The following KIAA1549L variants were observed in gnomAD, a reference collection of about 807,000 sequenced individuals.
The protein encoded by KIAA1549L is UPF0606 protein KIAA1549L.
KIAA1549L carries 88 observed loss-of-function variants against 160.7 expected under a neutral mutation model. The observed-to-expected ratio is 0.55, with a 90% CI of 0.46 to 0.65. The LOEUF is 0.65. Ranked by LOEUF, KIAA1549L falls within the 30% of genes least tolerant of loss-of-function variation. The pLI is 0.00. For synonymous variants in KIAA1549L, 950 were observed against 976.7 expected, an observed-to-expected ratio of 0.97 and a Z score of 0.51; for missense variants, 2,258 against 2,437.5, an observed-to-expected ratio of 0.93 and a Z score of 1.55.
chr11:33,467,004 G>GA (rs967433711), intron 1 of KIAA1549L, among the ~76,000 whole-genome samples: 12 of 152,178 alleles, frequency 7.9e-5, no homozygotes, highest in African/African-American at 2.7e-4. Flanking sequence ...AGTGTTAGGA[G>GA]AAATACCTAA....
chr11:33,646,992 A>G (rs1851740860), intron 17 of KIAA1549L, among the ~76,000 whole-genome samples: 1 of 152,218 alleles, frequency 6.6e-6, no homozygotes. Flanking sequence ...TTCTTTACAA[A>G]TAAGAAAAAT....
intron 1 of KIAA1549L, among the ~76,000 whole-genome samples, chr11:33,464,863 G>T (rs1852019133): frequency 6.6e-6 from 1 of 151,820 alleles, no homozygotes; most frequent in African/African-American, 2.4e-5. Context: ...TTTCCATTCA[G>T]ATTTTTTTTA....
chr11:33,586,712 C>T (rs2133276787), intron 11 of KIAA1549L, among the ~76,000 whole-genome samples: 1 of 152,110 alleles, frequency 6.6e-6, no homozygotes, highest in Non-Finnish European at 1.5e-5. Flanking sequence ...TTCCTCTTTC[C>T]CACTACTATC....
rs1183339062 is a variant in KIAA1549L, at chr11:33,591,397, C to T, written c.4727C>T (p.Ala1576Val). Residue 1576 changes from alanine (A) to valine (V), a missense_variant, in exon 12 of 21, where the codon GCC becomes GTC. By Grantham distance (64) the Ala-to-Val change is moderately conservative. Transcript: ENST00000658780. ...CAGGATGGAAGCACCATCAAGACCG[C>T]CAAATCCACTGAAACCAGGAAGAGG... The part of the protein sequence containing the change: ...VAQDGSTIKT[A>V]KSTETRKSRS... 4 of 1,606,330 alleles carry T rather than the reference C, an allele frequency of 2.5e-6. No individual in the cohort carries two copies. In the Admixed American group the frequency reaches 6.7e-5, roughly 27 times the overall value.
chr11:33,608,001 G>A (rs1436590316), intron 14 of KIAA1549L, among the ~76,000 whole-genome samples: 1 of 152,206 alleles, frequency 6.6e-6, no homozygotes, highest in Non-Finnish European at 1.5e-5. Context: ...GCAGGTTATG[G>A]TGACAGCCAT....
chr11:33,543,367 T>G lies in KIAA1549L; in HGVS notation c.1804T>G (p.Phe602Val). The stretch of plus-strand genomic sequence containing the variant: ...CACTGTAAATGGATTTGTCTCTGAT[T>G]TCAGCACCGGTAGTGTCTCATCTCC... ...LHTVNGFVSD[F>V]STGSVSSPII... Residue 602 changes from phenylalanine (F) to valine (V), a missense_variant, in exon 2 of 21, where the codon TTC (phenylalanine) becomes GTC (valine). Transcript: ENST00000658780. 6.2e-7 allele frequency: 1 copy of G among 1,614,044 alleles called. No individual in the cohort carries two copies. The highest frequency in any genetic ancestry group is 8.5e-7 in the Non-Finnish European group (1 of 1,179,900).
At chr11:33,632,727 A>G (rs113429576) in intron 16 of KIAA1549L, among the ~76,000 whole-genome samples, 3,176 of 151,016 alleles carry the variant, frequency 0.021, 129 homozygotes, top group African/African-American at 0.071. Flanking sequence ...TACTACTACC[A>G]TACCTGGTTA....
At chr11:33,490,168 G>A (rs1268335558) in intron 1 of KIAA1549L, among the ~76,000 whole-genome samples, 1 of 152,072 alleles carries the variant, frequency 6.6e-6, no homozygotes, top group African/African-American at 2.4e-5. Context: ...TGGGGTTCTA[G>A]TCCCATTTTG....
chr11:33,405,327 G>C (rs1243895722), intron 1 of KIAA1549L, among the ~76,000 whole-genome samples: 1 of 152,088 alleles, frequency 6.6e-6, no homozygotes, highest in Admixed American at 6.5e-5. Context: ...TTAGGTTTGT[G>C]GGAGGGGTTG....
At chr11:33,645,331 C>A (rs767446408) in intron 16 of KIAA1549L, among the ~76,000 whole-genome samples, 7 of 151,740 alleles carry the variant, frequency 4.6e-5, no homozygotes, top group Non-Finnish European at 8.8e-5. Flanking sequence ...ATTCCAGGGT[C>A]TTATACCCTA....
intron 12 of KIAA1549L, 79 bp from the exon 13 acceptor site, chr11:33,598,741 T>A (rs539209765): frequency 6.6e-7 from 1 of 1,512,620 alleles, no homozygotes; most frequent in South Asian, 1.2e-5. Context: ...GACATTAAAC[T>A]GTGCAAATAA....
At chr11:33,592,338 C>T (rs1466046738) in intron 12 of KIAA1549L, among the ~76,000 whole-genome samples, 1 of 152,104 alleles carries the variant, frequency 6.6e-6, no homozygotes, top group Non-Finnish European at 1.5e-5. Context: ...ACTTTGATGG[C>T]AGTGTGGATG....
intron 1 of KIAA1549L, among the ~76,000 whole-genome samples, chr11:33,461,456 A>C (rs966011631): frequency 2.6e-5 from 4 of 152,136 alleles, no homozygotes; most frequent in Admixed American, 2.6e-4. Context: ...TTCTCCCCAC[A>C]TGCCAGACTG....
chr11:33,629,437 C>G (rs1428289022), intron 16 of KIAA1549L, among the ~76,000 whole-genome samples: 264 of 152,266 alleles, frequency 1.7e-3, no homozygotes, highest in Non-Finnish European at 3.0e-3. Flanking sequence ...ATCAGACGTA[C>G]ATTTGGTCTT....
chr11:33,402,272 A>G (rs1315129732), intron 1 of KIAA1549L, among the ~76,000 whole-genome samples: 3 of 152,032 alleles, frequency 2.0e-5, no homozygotes, highest in African/African-American at 7.2e-5. Flanking sequence ...TAAGCCAGAA[A>G]CCACAGAGTC....
chr11:33,503,210 C>A (rs774083776), intron 1 of KIAA1549L, among the ~76,000 whole-genome samples: 1 of 151,758 alleles, frequency 6.6e-6, no homozygotes, highest in Non-Finnish European at 1.5e-5. Flanking sequence ...TTTTGTCTGG[C>A]TTCTCTTGTT....
At chr11:33,638,625 T>C (rs1371622165) in intron 16 of KIAA1549L, among the ~76,000 whole-genome samples, 1 of 152,202 alleles carries the variant, frequency 6.6e-6, no homozygotes, top group Non-Finnish European at 1.5e-5. Context: ...TCATGTGTTT[T>C]CTTAACAAGT....
chr11:33,581,887 G>A (rs2133264832), intron 10 of KIAA1549L, among the ~76,000 whole-genome samples: 1 of 152,148 alleles, frequency 6.6e-6, no homozygotes, highest in South Asian at 2.1e-4. Context: ...GCACCAAGAA[G>A]AAGCACCTCC....
chr11:33,635,897 T>C (rs756636520), intron 16 of KIAA1549L, among the ~76,000 whole-genome samples: 1 of 152,200 alleles, frequency 6.6e-6, no homozygotes, highest in Non-Finnish European at 1.5e-5. Context: ...TCACCACTTA[T>C]CCATGGTTTC....
Sources: gnomAD v4.1 joint callset for allele counts (sites outside exome capture counted in the v4.1 genomes callset) on GRCh38, gnomAD v4.1.1 for gene constraint, MANE v1.5 for transcripts, NCBI Gene and HGNC (gene_info 2026-07-23, HGNC 2026-07-21) for gene names.